The following TM9SF1 variants were observed in gnomAD, a reference collection of about 807,000 sequenced individuals.
TM9SF1 encodes the protein transmembrane 9 superfamily member 1.
A neutral mutation model predicts 52.4 loss-of-function variants in TM9SF1; 25 were observed. The ratio of observed to expected loss-of-function variants is 0.48; its 90% CI spans 0.35 to 0.67. The LOEUF (loss-of-function observed/expected upper bound fraction) is 0.67. Ranked by LOEUF, TM9SF1 falls within the 30% of genes least tolerant of loss-of-function variation. The pLI, the probability that TM9SF1 is intolerant of heterozygous loss-of-function variation, is 0.01. For synonymous variants in TM9SF1, 284 were observed against 299.8 expected, an observed-to-expected ratio of 0.95 and a Z score of 0.55; for missense variants, 604 against 780.3, an observed-to-expected ratio of 0.77 and a Z score of 2.69.
Position 24,194,773 on chromosome 14 carries a change from G to T in TM9SF1, c.247C>A (p.Leu83Met). 6.2e-7 allele frequency: 1 copy of T among 1,614,246 alleles called. No homozygotes were observed. The highest frequency in any genetic ancestry group is 8.5e-7 in the Non-Finnish European group (1 of 1,180,046). ...GACTCAGCCATTCGGTCCCCATCCAGCACTTCACCCAGGCTAAGGCTTTTG... is the reference window on the plus strand; with the variant it reads ...GACTCAGCCATTCGGTCCCCATCCATCACTTCACCCAGGCTAAGGCTTTTG... ...RHKSLSLGEV[L>M]DGDRMAESLY... Residue 83 changes from leucine to methionine, a missense_variant, in exon 2 of 6, where the codon CTG (leucine) becomes ATG (methionine). Physicochemically the swap from Leu to Met is conservative, Grantham distance 15. Transcript: ENST00000261789.
chr14:24,195,324 G>C, intron 1 of TM9SF1, 22 bp downstream of exon 1: 1 of 348,778 alleles, frequency 2.9e-6, no homozygotes, highest in East Asian at 5.2e-5. Flanking sequence ...GTCCCTTCCC[G>C]CCACAGCCCC....
chr14:24,195,031 T>G lies in TM9SF1; in HGVS notation c.-12A>C. On this transcript the variant is annotated 5_prime_UTR_variant, in exon 2 of 6. Transcript: ENST00000261789. ...CCTACGACTGTCATCCTTAAGGCAG[T>G]GGAACCTGTTTGGGGGAATCCTGAG... is the stretch of plus-strand genomic sequence containing the variant. The G allele has an allele frequency of 6.2e-7, 1 of 1,609,340 alleles. No homozygotes were observed. The highest frequency in any genetic ancestry group is 8.5e-7 in the Non-Finnish European group (1 of 1,176,626).
chr14:24,195,323 C>A (rs886533101), intron 1 of TM9SF1, 23 bp downstream of exon 1: 38 of 348,542 alleles, frequency 1.1e-4, no homozygotes, highest in East Asian at 5.2e-5. Context: ...GGTCCCTTCC[C>A]GCCACAGCCC....
chr14:24,190,853 T>TG (rs2039312275), intron 4 of TM9SF1, among the ~76,000 whole-genome samples, 200 bp from the exon 5 acceptor site: 1 of 30,284 alleles, frequency 3.3e-5, no homozygotes, highest in African/African-American at 1.5e-4. Context: ...TGTTCTGTGT[T>TG]TTTTTTTTTT....
chr14:24,192,941 CCAT>C lies in TM9SF1; in HGVS notation c.671_673del (p.Asp224del). The C allele has an allele frequency of 3.7e-6, 6 of 1,614,130 alleles. No homozygotes were observed. Among genetic ancestry groups the C allele is most frequent in the South Asian group, 1.1e-5 (1 of 91,078 alleles). ...TTCCAGTGTTCGAGGAAAGAAACCA[CCAT>C]CGTCACCACGGCGCCTGTCACTCCG... On this transcript the variant is annotated inframe_deletion, in exon 3 of 6. Coordinates refer to ENST00000261789, the MANE Select transcript of TM9SF1 (RefSeq NM_006405.7). This position sits in a 1 kb window ranked among gnomAD's most constrained non-coding sequence, Gnocchi z 4.0.
chr14:24,192,465 A>T lies in TM9SF1; in HGVS notation c.968-109T>A. The T allele has an allele frequency of 1.4e-6, 2 of 1,397,874 alleles. No homozygotes were observed. The allele number at this position is 1,397,874 out of a possible 1,614,324, so 86.6% of individuals were successfully genotyped here. ...CAGACCCAGGGCCTCCAGCAAAACA[A>T]TCTCCCCCAGTTTTGCTATCCAGAA... On this transcript the variant is annotated intron_variant, in intron 3 of 5. Transcript: ENST00000261789. The surrounding 1 kb of genome is among the most constrained non-coding windows in gnomAD (Gnocchi z 4.0).
Position 24,192,941 on chromosome 14 carries a change from C to A in TM9SF1, c.674G>T (p.Gly225Val), listed in dbSNP as rs765246300. The change falls in exon 3 of 6, where the codon GGT becomes GTT. Residue 225 changes from glycine (G) to valine (V), a missense_variant. Gly to Val is a moderately radical substitution (Grantham distance 109, BLOSUM62 -3). Coordinates refer to ENST00000261789, the MANE Select transcript of TM9SF1 (RefSeq NM_006405.7). This position sits in a 1 kb window ranked among gnomAD's most constrained non-coding sequence, Gnocchi z 4.0. Reference sequence around the variant, plus strand: ...TTCCAGTGTTCGAGGAAAGAAACCACCATCGTCACCACGGCGCCTGTCACT... The same window carrying A: ...TTCCAGTGTTCGAGGAAAGAAACCAACATCGTCACCACGGCGCCTGTCACT... The part of the protein sequence containing the change: ...RRSDRRRGDD[G>V]GFFPRTLEIH... The A allele has an allele frequency of 2.4e-5, 39 of 1,614,012 alleles. No homozygotes were observed. The Admixed American group carries it at 6.3e-4, about 26-fold the overall frequency.
In TM9SF1 at chr14:24,194,864, G is replaced by A. The variant is rs777580865; in HGVS notation, c.156C>T (p.Tyr52=). Residue 52 remains tyrosine (Y), a synonymous_variant, in exon 2 of 6, where the codon TAC becomes TAT. Transcript: ENST00000261789. ...VILYVNKVGP[Y]HNPQETYHYY... is the part of the protein sequence containing the mutation. ...AGTGGTAAGTTTCCTGAGGGTTATG[G>A]TAGGGTCCCACTTTGTTGACATACA... is the stretch of plus-strand genomic sequence containing the variant. The A allele has an allele frequency of 2.5e-6, 4 of 1,614,120 alleles. No individual in the cohort carries two copies. The Admixed American group carries it at 5.0e-5, about 20-fold the overall frequency.
chr14:24,194,696 G>T lies in TM9SF1; in HGVS notation c.324C>A (p.His108Gln), dbSNP rs1287095839. 2 of 1,614,120 alleles carry T rather than the reference G, an allele frequency of 1.2e-6. No homozygotes were observed. The highest frequency in any genetic ancestry group is 8.5e-7 in the Non-Finnish European group (1 of 1,179,938). ...RENVEKRILCHMQLSSAQVEQ... is the reference protein window; with the variant it reads ...RENVEKRILCQMQLSSAQVEQ... ...TGACCTGTGCAGAACTGAGCTGCAT[G>T]TGGCACAGAATTCTCTTCTCCACGT... The change falls in exon 2 of 6, where the codon CAC becomes CAA. Residue 108 changes from histidine (H) to glutamine (Q), a missense_variant. His to Gln is a conservative substitution (Grantham distance 24). Coordinates refer to ENST00000261789, the MANE Select transcript of TM9SF1 (RefSeq NM_006405.7).
rs1449456598 is a variant in TM9SF1, at chr14:24,192,283, C to A, written c.1041G>T (p.Leu347Phe). 2 of 1,614,076 alleles carry A rather than the reference C, an allele frequency of 1.2e-6. No individual in the cohort carries two copies. Among genetic ancestry groups the A allele is most frequent in the Non-Finnish European group, 1.7e-6 (2 of 1,180,054 alleles). The change falls in exon 4 of 6, where the codon TTG becomes TTT. Residue 347 changes from leucine (L) to phenylalanine (F), a missense_variant. This residue lies in a region of TM9SF1 where 450 missense variants were observed against 560.1 expected (regional missense o/e 0.80). Coordinates refer to ENST00000261789, the MANE Select transcript of TM9SF1 (RefSeq NM_006405.7). This position sits in a 1 kb window ranked among gnomAD's most constrained non-coding sequence, Gnocchi z 4.0. ...RHGAINSAAI[L>F]LYALTCCISG... ...AGATGCAGCAGGTCAGGGCATACAA[C>A]AAGATGGCTGCTGAGTTAATGGCCC...
At chr14:24,189,960 C>T (rs1012836024) in intron 5 of TM9SF1, 152 bp from the exon 6 acceptor site, 23 of 1,396,400 alleles carry the variant, frequency 1.6e-5, no homozygotes, top group Non-Finnish European at 3.7e-6. Flanking sequence ...CTCCTGGCTT[C>T]ATGGGGATTT....
rs1189668508 is a variant in TM9SF1 at position 24,189,489 on chromosome 14, T to G, written c.1747A>C (p.Met583Leu). ...GAAAAAAAGGAGATGGTGCCCAGCA[T>G]GAGGAAGAAGACATAACCAGTGAGT... ...SLLTGYVFFL[M>L]LGTISFFSSL... is the part of the protein sequence containing the mutation. Residue 583 changes from methionine (M) to leucine (L), a missense_variant, in exon 6 of 6, where the codon ATG becomes CTG. Around this residue, in one of 3 missense-constraint regions of TM9SF1, gnomAD observed 107 missense variants for 180.5 expected, o/e 0.59. Transcript: ENST00000261789. 1.2e-6 allele frequency: 2 copies of G among 1,614,014 alleles called. No individual in the cohort carries two copies. The highest frequency in any genetic ancestry group is 2.7e-5 in the African/African-American group (2 of 74,874).
In TM9SF1 at chr14:24,189,509, G is replaced by T; in HGVS notation, c.1727C>A (p.Thr576Asn). 6.2e-7 allele frequency: 1 copy of T among 1,614,206 alleles called. No homozygotes were observed. The highest frequency in any genetic ancestry group is 8.5e-7 in the Non-Finnish European group (1 of 1,180,044). The change falls in exon 6 of 6, where the codon ACT (threonine) becomes AAT (asparagine). Residue 576 changes from threonine (T) to asparagine (N), a missense_variant. Thr to Asn is a moderately conservative substitution (Grantham distance 65). Around this residue, in one of 3 missense-constraint regions of TM9SF1, gnomAD observed 107 missense variants for 180.5 expected, o/e 0.59. Coordinates refer to ENST00000261789, the MANE Select transcript of TM9SF1 (RefSeq NM_006405.7). ...TVEFFGYSLL[T>N]GYVFFLMLGT... Reference sequence around the variant, plus strand: ...CAGCATGAGGAAGAAGACATAACCAGTGAGTAAGGAGTAGCCGAAGAACTC... The same window carrying T: ...CAGCATGAGGAAGAAGACATAACCATTGAGTAAGGAGTAGCCGAAGAACTC...
At position 24,189,238 on chromosome 14, in the gene TM9SF1, C is replaced by A; in HGVS notation, c.*177G>T. On this transcript the variant is annotated 3_prime_UTR_variant, in exon 6 of 6. Coordinates refer to ENST00000261789, the MANE Select transcript of TM9SF1 (RefSeq NM_006405.7). ...ACTTAAAAAGTTCAAATATATAATC[C>A]TTATGTGATAGAGATTTATAATTTC... 1.5e-6 allele frequency: 1 copy of A among 653,380 alleles called. No individual in the cohort carries two copies. Among genetic ancestry groups the A allele is most frequent in the Non-Finnish European group, 2.6e-6 (1 of 391,132 alleles). 40.5% of individuals were successfully genotyped at this position (653,380 alleles called of 1,614,324 possible).
Position 24,192,434 on chromosome 14 carries a change from T to A in TM9SF1, c.968-78A>T, listed in dbSNP as rs1029530474. The A allele has an allele frequency of 6.6e-7, 1 of 1,514,920 alleles. No homozygotes were observed. Among genetic ancestry groups the A allele is most frequent in the African/African-American group, 1.4e-5 (1 of 72,628 alleles). 93.8% of individuals were successfully genotyped at this position (1,514,920 alleles called of 1,614,324 possible). On this transcript the variant is annotated intron_variant, in intron 3 of 5. Transcript: ENST00000261789. This position sits in a 1 kb window ranked among gnomAD's most constrained non-coding sequence, Gnocchi z 4.0. ...GCAATTTCAGAGGAATCAGCCCCCCTTCTCCCAGACCCAGGGCCTCCAGCA... is the reference window on the plus strand; with the variant it reads ...GCAATTTCAGAGGAATCAGCCCCCCATCTCCCAGACCCAGGGCCTCCAGCA...
rs561744913 is a variant in TM9SF1, at chr14:24,193,325, C to T, written c.346-56G>A. On this transcript the variant is annotated intron_variant, in intron 2 of 5. Coordinates refer to ENST00000261789, the MANE Select transcript of TM9SF1 (RefSeq NM_006405.7). The stretch of plus-strand genomic sequence containing the variant: ...CAAGATCTCCCCAGGCGCAGAGTTA[C>T]AGCAAAGTTTCTCACCTTCAGCACT... 4.6e-6 allele frequency: 7 copies of T among 1,525,932 alleles called. No individual in the cohort carries two copies. The South Asian group carries it at 6.5e-5, about 14-fold the overall frequency. 94.5% of individuals were successfully genotyped at this position (1,525,932 alleles called of 1,614,324 possible). A position where few individuals can be genotyped will look rare whatever the true frequency, so the allele number is the denominator to read the frequency against.
Position 24,193,024 on chromosome 14 carries a change from G to T in TM9SF1, c.591C>A (p.Phe197Leu). 4 of 1,614,182 alleles carry T rather than the reference G, an allele frequency of 2.5e-6. No homozygotes were observed. In the East Asian group the frequency reaches 8.9e-5, roughly 36 times the overall value. Residue 197 changes from phenylalanine to leucine, a missense_variant, in exon 3 of 6, where the codon TTC becomes TTA. Physicochemically the swap from Phe to Leu is conservative, Grantham distance 22. Coordinates refer to ENST00000261789, the MANE Select transcript of TM9SF1 (RefSeq NM_006405.7). ...HSLDGLRPDE[F>L]LGLTHTYSVR... is the part of the protein sequence containing the mutation. The stretch of plus-strand genomic sequence containing the variant: ...CGCTATAAGTGTGGGTAAGGCCTAG[G>T]AACTCGTCAGGTCGTAACCCATCCA...
chr14:24,190,056 A>G (rs1177825652), intron 5 of TM9SF1: 1 of 1,359,394 alleles, frequency 7.4e-7, no homozygotes, highest in Non-Finnish European at 9.4e-7. Context: ...ATTCCACTTT[A>G]TTCTTTGCCT....
At chr14:24,194,061 AC>A (rs981997419) in intron 2 of TM9SF1, among the ~76,000 whole-genome samples, 2 of 151,744 alleles carry the variant, frequency 1.3e-5, no homozygotes, top group East Asian at 3.9e-4. Context: ...TGCTGGTAGT[AC>A]CCCCCCAGCT....
Sources: allele counts gnomAD v4.1 joint callset (sites outside exome capture counted in the v4.1 genomes callset), GRCh38; gene constraint gnomAD v4.1.1; regional missense constraint gnomAD v4.1.1; non-coding constraint Gnocchi (gnomAD v3.1); transcripts MANE v1.5; gene names NCBI Gene and HGNC (gene_info 2026-07-23, HGNC 2026-07-21).